TBC1D22A: variants seen among roughly 807,000 people sequenced by gnomAD.
The protein encoded by TBC1D22A is TBC1 domain family member 22A.
TBC1D22A carries 38 observed loss-of-function variants against 60.2 expected under a neutral mutation model. The ratio of observed to expected loss-of-function variants is 0.63; its 90% CI spans 0.49 to 0.83. TBC1D22A has a LOEUF of 0.83. Ranked by LOEUF, TBC1D22A falls within the 40% of genes least tolerant of loss-of-function variation. The probability of loss-of-function intolerance (pLI) is 0.00; values close to 1 mark genes in which losing one functional copy is unlikely to be tolerated. For missense variants in TBC1D22A, 628 were observed against 701.0 expected, an observed-to-expected ratio of 0.90 and a Z score of 1.18; for synonymous variants, 302 against 281.7, an observed-to-expected ratio of 1.07 and a Z score of -0.72.
chr22:46,845,437 G>T (rs1335018507), intron 4 of TBC1D22A, among the ~76,000 whole-genome samples: 1 of 152,148 alleles, frequency 6.6e-6, no homozygotes. Flanking sequence ...AACTTGCTGC[G>T]GTTACCGTAG....
intron 4 of TBC1D22A, among the ~76,000 whole-genome samples, chr22:46,868,263 A>T (rs1266128908): frequency 1.3e-5 from 2 of 152,196 alleles, no homozygotes; most frequent in African/African-American, 4.8e-5. Context: ...GATTGTCCTC[A>T]CGAGTGGCTG....
intron 1 of TBC1D22A, among the ~76,000 whole-genome samples, chr22:46,787,845 G>C (rs2084226549): frequency 6.6e-6 from 1 of 152,018 alleles, no homozygotes; most frequent in Non-Finnish European, 1.5e-5. Flanking sequence ...TGAATCTCTG[G>C]GTGGTGTCTG....
intron 11 of TBC1D22A, among the ~76,000 whole-genome samples, chr22:47,067,786 A>G (rs2147491377): frequency 6.6e-6 from 1 of 152,338 alleles, no homozygotes; most frequent in Middle Eastern, 3.4e-3. Context: ...TTGCGCTTGC[A>G]TACGTGCACT....
chr22:46,771,494 G>T (rs1253127656), intron 1 of TBC1D22A, among the ~76,000 whole-genome samples: 1 of 152,048 alleles, frequency 6.6e-6, no homozygotes, highest in South Asian at 2.1e-4. Context: ...ACTGAACCCA[G>T]TCTTTTATCC....
chr22:46,979,515 C>T lies in TBC1D22A; in HGVS notation c.1125+5116C>T, dbSNP rs140890188. Among the ~76,000 whole-genome samples the T allele has an allele frequency of 5.0e-4, 76 of 152,338 alleles. 1 individual carries two copies. In the East Asian group the frequency reaches 9.4e-3, roughly 19 times the overall value. On this transcript the variant is annotated intron_variant, in intron 9 of 12. Coordinates refer to ENST00000337137, the MANE Select transcript of TBC1D22A (RefSeq NM_014346.5). ...GCGCACCAAGTGCTCTCCTTGACGA[C>T]GCTTCTGTTTCTGGATTTGCCCCTC...
Position 46,793,500 on chromosome 22 carries a change from G to A in TBC1D22A, c.120-1G>A, listed in dbSNP as rs758863645. On this transcript the variant is annotated splice_acceptor_variant, in intron 2 of 12. Coordinates refer to ENST00000337137, the MANE Select transcript of TBC1D22A (RefSeq NM_014346.5). LOFTEE classifies it high-confidence loss of function. ...GAGTAAAGACTGCCTTTGCATTGCA[G>A]TTTGCTCAGGTCCACGGCCAAGATG... The A allele has an allele frequency of 6.2e-7, 1 of 1,614,154 alleles. No homozygotes were observed. The highest frequency in any genetic ancestry group is 1.1e-5 in the South Asian group (1 of 91,090).
At chr22:46,942,828 T>G (rs1386802760) in intron 8 of TBC1D22A, among the ~76,000 whole-genome samples, 2 of 152,190 alleles carry the variant, frequency 1.3e-5, no homozygotes. Context: ...CTTATGAAAC[T>G]TTTCCTTAAG....
intron 3 of TBC1D22A, among the ~76,000 whole-genome samples, 199 bp from the exon 4 acceptor site, chr22:46,797,245 A>G (rs1243985270): frequency 6.6e-6 from 1 of 152,158 alleles, no homozygotes; most frequent in African/African-American, 2.4e-5. Flanking sequence ...TTTGTTGGTG[A>G]ATAATACTCT....
At chr22:46,837,901 A>T (rs925806051) in intron 4 of TBC1D22A, among the ~76,000 whole-genome samples, 1 of 152,176 alleles carries the variant, frequency 6.6e-6, no homozygotes, top group African/African-American at 2.4e-5. Context: ...TCTTTATTAA[A>T]AATACAAAAA....
At chr22:46,999,396 G>A (rs1313153167) in intron 10 of TBC1D22A, among the ~76,000 whole-genome samples, 1 of 152,188 alleles carries the variant, frequency 6.6e-6, no homozygotes, top group East Asian at 1.9e-4. Context: ...GATGTGTGTT[G>A]CCGTTGAGAG....
intron 11 of TBC1D22A, among the ~76,000 whole-genome samples, chr22:47,040,802 C>A (rs917507974): frequency 6.6e-6 from 1 of 152,148 alleles, no homozygotes; most frequent in Non-Finnish European, 1.5e-5. Flanking sequence ...TTCTCTAAAT[C>A]CCGGTGACTT....
chr22:46,851,425 G>A (rs530529810), intron 4 of TBC1D22A, among the ~76,000 whole-genome samples: 2 of 152,366 alleles, frequency 1.3e-5, no homozygotes, highest in South Asian at 4.1e-4. Context: ...AGCGGGAGAG[G>A]CTCCCCAGAG....
intron 12 of TBC1D22A, among the ~76,000 whole-genome samples, chr22:47,147,764 G>A (rs1482357723): frequency 6.6e-6 from 1 of 152,240 alleles, no homozygotes; most frequent in Non-Finnish European, 1.5e-5. Context: ...GAGCACAGGT[G>A]GCCTGGCTGC....
chr22:47,016,376 C>T (rs998862688), intron 10 of TBC1D22A, among the ~76,000 whole-genome samples: 4 of 152,110 alleles, frequency 2.6e-5, no homozygotes, highest in African/African-American at 9.7e-5. Context: ...TGGTTACCTA[C>T]AGCTGGCTGG....
chr22:47,127,051 CG>C (rs1377664266), intron 12 of TBC1D22A, among the ~76,000 whole-genome samples: 1 of 152,158 alleles, frequency 6.6e-6, no homozygotes, highest in Non-Finnish European at 1.5e-5. Flanking sequence ...CACCCACCCT[CG>C]GGGTCTCAGG....
At chr22:47,054,771 T>C (rs1248344080) in intron 11 of TBC1D22A, among the ~76,000 whole-genome samples, 1 of 152,148 alleles carries the variant, frequency 6.6e-6, no homozygotes, top group African/African-American at 2.4e-5. Context: ...GGCTGATGAT[T>C]GTGTACACGT....
intron 9 of TBC1D22A, 67 bp from the exon 10 acceptor site, chr22:46,997,566 CT>C: frequency 8.3e-6 from 11 of 1,324,522 alleles, no homozygotes; most frequent in South Asian, 1.2e-5. Context: ...TCCCAGCTGC[CT>C]TTTTCCCTTT....
At chr22:47,069,897 T>C (rs111702580) in intron 11 of TBC1D22A, among the ~76,000 whole-genome samples, 6,069 of 71,244 alleles carry the variant, frequency 0.085, 197 homozygotes, top group Middle Eastern at 0.14. Context: ...CGGAGCTGAC[T>C]TGACGGTTCC....
intron 11 of TBC1D22A, among the ~76,000 whole-genome samples, chr22:47,100,125 C>G (rs2065353090): frequency 1.3e-5 from 2 of 152,204 alleles, no homozygotes. Flanking sequence ...AGGGTGCTGC[C>G]TGGCCCATCC....
Sources: gnomAD v4.1 joint callset for allele counts (sites outside exome capture counted in the v4.1 genomes callset) on GRCh38, gnomAD v4.1.1 for gene constraint, MANE v1.5 for transcripts, NCBI Gene and HGNC (gene_info 2026-07-23, HGNC 2026-07-21) for gene names.